The following FLI1 variants were observed in gnomAD, a reference collection of about 807,000 sequenced individuals.
FLI1 encodes Fli-1 proto-oncogene, ETS transcription factor.
Under a neutral mutation model 53.1 loss-of-function variants are expected in FLI1, and 13 were observed. The observed-to-expected ratio is 0.24, with a 90% CI of 0.16 to 0.39. The LOEUF is 0.39. Among genes scored for constraint, FLI1 ranks in the 10% least tolerant of loss-of-function variants. The probability of loss-of-function intolerance (pLI) is 1.00; values close to 1 mark genes in which losing one functional copy is unlikely to be tolerated. For missense variants in FLI1, 424 were observed against 600.5 expected, an observed-to-expected ratio of 0.71 and a Z score of 3.07; for synonymous variants, 244 against 236.7, an observed-to-expected ratio of 1.03 and a Z score of -0.28.
At chr11:128,780,831 A>G (rs1024163691) in intron 4 of FLI1, among the ~76,000 whole-genome samples, 1 of 152,086 alleles carries the variant, frequency 6.6e-6, no homozygotes, top group African/African-American at 2.4e-5. Flanking sequence ...GTTTAGAAGA[A>G]TTTTCTTAGC....
At chr11:128,809,317 T>G (rs1465065129) in intron 8 of FLI1, 113 bp downstream of exon 8, 1 of 838,434 alleles carries the variant, frequency 1.2e-6, no homozygotes. Context: ...AACATGCACG[T>G]CTTTCCTTGA....
At chr11:128,726,989 G>A (rs998485338) in intron 1 of FLI1, among the ~76,000 whole-genome samples, 1 of 152,112 alleles carries the variant, frequency 6.6e-6, no homozygotes, top group Non-Finnish European at 1.5e-5. Flanking sequence ...TTTGGGAAGG[G>A]CAATACTGAT....
upstream of FLI1, among the ~76,000 whole-genome samples, chr11:128,690,988 C>A (rs913780190): frequency 2.6e-5 from 4 of 152,072 alleles, no homozygotes; most frequent in African/African-American, 9.7e-5. Context: ...TGGGCAGGGG[C>A]AGCCTTCCCC....
At chr11:128,789,910 G>A (rs1377879869) in intron 5 of FLI1, among the ~76,000 whole-genome samples, 1 of 152,186 alleles carries the variant, frequency 6.6e-6, no homozygotes, top group Admixed American at 6.5e-5. Flanking sequence ...ATCTACGTCA[G>A]CTCACACACA....
intron 1 of FLI1, among the ~76,000 whole-genome samples, chr11:128,698,218 C>T (rs1938170525): frequency 6.6e-6 from 1 of 152,186 alleles, no homozygotes; most frequent in African/African-American, 2.4e-5. Context: ...GGAACAGAGG[C>T]TTGACTTCTG....
intron 2 of FLI1, among the ~76,000 whole-genome samples, chr11:128,761,824 A>C (rs1205065779): frequency 1.3e-5 from 2 of 152,166 alleles, no homozygotes; most frequent in Non-Finnish European, 1.5e-5. Context: ...AACAGACAGG[A>C]TATTTACCTG....
upstream of FLI1, among the ~76,000 whole-genome samples, chr11:128,690,464 G>GTT (rs1199448088): frequency 6.6e-6 from 1 of 152,210 alleles, no homozygotes; most frequent in Non-Finnish European, 1.5e-5. Flanking sequence ...ACCCAGTCTG[G>GTT]GGCCGAAGAA....
At chr11:128,685,969 T>C (rs1386772821), upstream of FLI1, 1 of 193,542 alleles carries the variant, frequency 5.2e-6, no homozygotes, top group African/African-American at 2.3e-5. Flanking sequence ...AAGACTCTCC[T>C]GCCACTAAAA....
chr11:128,717,450 G>A (rs1233775151), intron 1 of FLI1, among the ~76,000 whole-genome samples: 1 of 152,226 alleles, frequency 6.6e-6, no homozygotes, highest in African/African-American at 2.4e-5. Context: ...AGATTCTGGA[G>A]GTCCTTCTGG....
chr11:128,744,437 A>ACAT (rs1216714199), intron 1 of FLI1, among the ~76,000 whole-genome samples: 1 of 152,228 alleles, frequency 6.6e-6, no homozygotes, highest in Non-Finnish European at 1.5e-5. Flanking sequence ...TAAGATGATT[A>ACAT]CATTTAGGGA....
At chr11:128,756,553 G>A (rs1185724902) in intron 1 of FLI1, among the ~76,000 whole-genome samples, 3 of 152,234 alleles carry the variant, frequency 2.0e-5, no homozygotes, top group Admixed American at 2.0e-4. Context: ...GGTGGCCTAA[G>A]AGAATCTTTG....
At chr11:128,796,719 A>C (rs1210787734) in intron 5 of FLI1, among the ~76,000 whole-genome samples, 2 of 152,220 alleles carry the variant, frequency 1.3e-5, no homozygotes, top group Non-Finnish European at 2.9e-5. Context: ...TCACGCCTGT[A>C]ATCCCAGCAC....
At chr11:128,699,760 A>G (rs891535526) in intron 1 of FLI1, among the ~76,000 whole-genome samples, 2 of 152,168 alleles carry the variant, frequency 1.3e-5, no homozygotes, top group Admixed American at 6.5e-5. Context: ...GAGGCTATGG[A>G]TAGGGTTATA....
intron 1 of FLI1, among the ~76,000 whole-genome samples, chr11:128,728,278 G>A (rs1939561400): frequency 6.6e-6 from 1 of 152,264 alleles, no homozygotes; most frequent in Non-Finnish European, 1.5e-5. Flanking sequence ...AGCAGGGAGG[G>A]TCTGGCCTCA....
intron 1 of FLI1, among the ~76,000 whole-genome samples, chr11:128,742,765 G>C (rs1221394480): frequency 6.6e-6 from 1 of 152,180 alleles, no homozygotes; most frequent in Admixed American, 6.5e-5. Flanking sequence ...TTTAGGTAAA[G>C]GTTTTTGTTT....
chr11:128,742,235 T>C (rs185780289), intron 1 of FLI1, among the ~76,000 whole-genome samples: 2 of 152,358 alleles, frequency 1.3e-5, no homozygotes, highest in African/African-American at 2.4e-5. Flanking sequence ...ACAATTCTCC[T>C]AATCTCATAG....
At chr11:128,715,969 G>C (rs2135726976) in intron 1 of FLI1, among the ~76,000 whole-genome samples, 1 of 152,328 alleles carries the variant, frequency 6.6e-6, no homozygotes, top group East Asian at 1.9e-4. Context: ...TTCCCTGCAG[G>C]AGAGGCAGGG....
chr11:128,699,325 G>A (rs1344952911), intron 1 of FLI1, among the ~76,000 whole-genome samples: 1 of 152,178 alleles, frequency 6.6e-6, no homozygotes, highest in Non-Finnish European at 1.5e-5. Context: ...CAAAAAAATA[G>A]AAAGAAAGAA....
intron 4 of FLI1, among the ~76,000 whole-genome samples, chr11:128,774,922 TAAC>T (rs1565493867): frequency 6.6e-6 from 1 of 151,914 alleles, no homozygotes; most frequent in South Asian, 2.1e-4. Context: ...GAAGAGCAGA[TAAC>T]AAGGTTGAAG....
Sources: gnomAD v4.1 joint callset for allele counts (sites outside exome capture counted in the v4.1 genomes callset) on GRCh38, gnomAD v4.1.1 for gene constraint, MANE v1.5 for transcripts, NCBI Gene and HGNC (gene_info 2026-07-23, HGNC 2026-07-21) for gene names.